RARB: variants seen among roughly 807,000 people sequenced by gnomAD.
The protein encoded by RARB is retinoic acid receptor beta.
A neutral mutation model predicts 51.9 loss-of-function variants in RARB; 17 were observed. The observed-to-expected ratio is 0.33, with a 90% CI of 0.22 to 0.49. The LOEUF (loss-of-function observed/expected upper bound fraction) is 0.49, where lower values mean the gene tolerates loss of function less well. Among genes scored for constraint, RARB ranks in the 20% least tolerant of loss-of-function variants. The pLI, the probability that RARB is intolerant of heterozygous loss-of-function variation, is 0.99. For synonymous variants in RARB, 215 were observed against 195.4 expected (o/e 1.10, Z -0.84); for missense variants, 369 against 550.8 (o/e 0.67, Z 3.30).
At chr3:25,093,883 C>G (rs1257178275) in intron 3 of RARB, among the ~76,000 whole-genome samples, 2 of 152,144 alleles carry the variant, frequency 1.3e-5, no homozygotes, top group Non-Finnish European at 2.9e-5. Context: ...TTTGCTCAAA[C>G]TATCCTTGAA....
intron 5 of RARB, among the ~76,000 whole-genome samples, chr3:25,213,622 T>C (rs1185324829): frequency 1.3e-5 from 2 of 152,206 alleles, no homozygotes; most frequent in African/African-American, 4.8e-5. Context: ...GTTCAGCTTA[T>C]TAGTTTCTGC....
At chr3:24,892,920 G>C (rs184138963) in intron 2 of RARB, among the ~76,000 whole-genome samples, 45 of 152,342 alleles carry the variant, frequency 3.0e-4, no homozygotes, top group Admixed American at 2.9e-3. Flanking sequence ...GATGTTGTAA[G>C]TGGTCTCTTG....
chr3:25,217,500 C>T (rs1286038526), intron 5 of RARB, among the ~76,000 whole-genome samples: 1 of 152,028 alleles, frequency 6.6e-6, no homozygotes, highest in Non-Finnish European at 1.5e-5. Flanking sequence ...ACTCCCACCC[C>T]CCCCAATTCT....
intron 2 of RARB, among the ~76,000 whole-genome samples, chr3:24,903,884 AAGTTATAT>A (rs1694785515): frequency 2.6e-5 from 4 of 152,216 alleles, no homozygotes; most frequent in Admixed American, 2.0e-4. Context: ...TTAATGTGAT[AAGTTATAT>A]GGTATAGTGA....
At chr3:24,936,462 G>T (rs975995390) in intron 2 of RARB, among the ~76,000 whole-genome samples, 5 of 152,118 alleles carry the variant, frequency 3.3e-5, no homozygotes, top group Admixed American at 1.3e-4. Flanking sequence ...TTCATATTAG[G>T]TTAACCAAGA....
At chr3:24,907,214 C>A (rs995708649) in intron 2 of RARB, among the ~76,000 whole-genome samples, 3 of 152,144 alleles carry the variant, frequency 2.0e-5, no homozygotes, top group Admixed American at 1.3e-4. Context: ...TGGTAGTTAT[C>A]AAACTTTAGC....
At chr3:25,355,824 A>G (rs1705716175) in intron 5 of RARB, among the ~76,000 whole-genome samples, 1 of 152,134 alleles carries the variant, frequency 6.6e-6, no homozygotes, top group South Asian at 2.1e-4. Flanking sequence ...GTCTCATAAT[A>G]CATACTTGGG....
intron 5 of RARB, among the ~76,000 whole-genome samples, chr3:25,396,597 C>G (rs886683296): frequency 1.3e-5 from 2 of 152,038 alleles, no homozygotes; most frequent in Admixed American, 6.5e-5. Context: ...CACAGAGCTC[C>G]CAAGAGATTA....
intron 2 of RARB, among the ~76,000 whole-genome samples, chr3:24,945,598 TG>T (rs1360635168): frequency 6.6e-6 from 1 of 152,244 alleles, no homozygotes; most frequent in African/African-American, 2.4e-5. Context: ...TGAAGAAAGA[TG>T]ACTTCTTTGA....
chr3:25,019,062 A>T (rs2125283821), intron 2 of RARB, among the ~76,000 whole-genome samples: 1 of 152,338 alleles, frequency 6.6e-6, no homozygotes, highest in East Asian at 1.9e-4. Flanking sequence ...ATATTGAGCT[A>T]GTTTTAAATG....
chr3:25,139,961 C>T (rs770509147), intron 4 of RARB, among the ~76,000 whole-genome samples: 1 of 152,064 alleles, frequency 6.6e-6, no homozygotes, highest in Non-Finnish European at 1.5e-5. Context: ...TGTTTGCAGC[C>T]AGGTTTACTT....
At chr3:24,972,451 T>A (rs1490733217) in intron 2 of RARB, among the ~76,000 whole-genome samples, 1 of 152,086 alleles carries the variant, frequency 6.6e-6, no homozygotes, top group Non-Finnish European at 1.5e-5. Flanking sequence ...CAATAAACAT[T>A]GCAGTAGAGA....
At chr3:25,235,430 C>A (rs1394120858) in intron 5 of RARB, among the ~76,000 whole-genome samples, 2 of 151,888 alleles carry the variant, frequency 1.3e-5, no homozygotes, top group Non-Finnish European at 2.9e-5. Context: ...GTGAGAATAC[C>A]AAACCATAAA....
intron 5 of RARB, among the ~76,000 whole-genome samples, chr3:25,262,283 T>A (rs990488046): frequency 6.6e-6 from 1 of 152,144 alleles, no homozygotes; most frequent in Non-Finnish European, 1.5e-5. Flanking sequence ...CGTTCAGCCA[T>A]GATCCCTCCC....
At chr3:24,831,973 G>A (rs967776749) in intron 1 of RARB, among the ~76,000 whole-genome samples, 2 of 152,104 alleles carry the variant, frequency 1.3e-5, no homozygotes, top group Non-Finnish European at 2.9e-5. Context: ...GGAGTTTATT[G>A]GAAGAAGTTC....
chr3:24,830,812 G>T (rs1295780538), intron 1 of RARB, among the ~76,000 whole-genome samples: 1 of 151,876 alleles, frequency 6.6e-6, no homozygotes, highest in Non-Finnish European at 1.5e-5. Flanking sequence ...AAACCGAATG[G>T]GAGAGAGTCG....
chr3:25,267,469 G>A (rs1703153888), intron 5 of RARB, among the ~76,000 whole-genome samples: 1 of 152,038 alleles, frequency 6.6e-6, no homozygotes. Flanking sequence ...CTATTTTTTA[G>A]TCTTTTCTGA....
intron 1 of RARB, among the ~76,000 whole-genome samples, chr3:25,429,471 A>C (rs963539908): frequency 1.3e-5 from 2 of 152,318 alleles, no homozygotes; most frequent in African/African-American, 4.8e-5. Flanking sequence ...AGGAAAGGCA[A>C]TATTTCTTAG....
chr3:25,112,421 C>A (rs990187644), intron 3 of RARB, among the ~76,000 whole-genome samples: 1 of 152,090 alleles, frequency 6.6e-6, no homozygotes, highest in African/African-American at 2.4e-5. Flanking sequence ...GATTTTCTTA[C>A]ATTATATATG....
Sources: gnomAD v4.1 joint callset for allele counts (sites outside exome capture counted in the v4.1 genomes callset) on GRCh38, gnomAD v4.1.1 for gene constraint, MANE v1.5 for transcripts, NCBI Gene and HGNC (gene_info 2026-07-23, HGNC 2026-07-21) for gene names.